The following CCDC149 variants were observed in gnomAD, a reference collection of about 807,000 sequenced individuals.
CCDC149 encodes coiled-coil domain containing 149.
In CCDC149, 45 loss-of-function variants were observed where a neutral mutation model predicts 59.9. That is an observed-to-expected ratio of 0.75 (90% CI 0.59 to 0.96). The LOEUF (loss-of-function observed/expected upper bound fraction) is 0.96, where lower values mean the gene tolerates loss of function less well. Ranked by LOEUF, CCDC149 falls within the 40% of genes least tolerant of loss-of-function variation. The probability of loss-of-function intolerance (pLI) is 0.00; values close to 1 mark genes in which losing one functional copy is unlikely to be tolerated. For synonymous variants in CCDC149, 245 were observed against 260.6 expected (o/e 0.94, Z 0.58); for missense variants, 584 against 664.7 (o/e 0.88, Z 1.33).
At position 24,951,783 on chromosome 4, in the gene CCDC149, C is replaced by G. The variant is rs563771589; in HGVS notation, c.-65+28286G>C. 1.1e-4 allele frequency among the ~76,000 whole-genome samples: 16 copies of G among 151,672 alleles called. No homozygotes were observed. The South Asian group carries it at 3.3e-3, about 31-fold the overall frequency. On this transcript the variant is annotated intron_variant, in intron 1 of 12. Coordinates refer to the CCDC149 transcript ENST00000389609. Reference sequence around the variant, plus strand: ...TGGTAAACAGTAAAGCTCTTTGAGGCCTTTCAGAAAGAAGTGCAATTCGAG... The same window carrying G: ...TGGTAAACAGTAAAGCTCTTTGAGGGCTTTCAGAAAGAAGTGCAATTCGAG...
chr4:24,968,293 T>C (rs1723862439), intron 1 of CCDC149, among the ~76,000 whole-genome samples: 1 of 152,218 alleles, frequency 6.6e-6, no homozygotes, highest in Non-Finnish European at 1.5e-5. Context: ...AGCTAGCACC[T>C]GTATATGCCG....
At chr4:24,889,663 T>C (rs1432171694) in intron 1 of CCDC149, among the ~76,000 whole-genome samples, 1 of 152,200 alleles carries the variant, frequency 6.6e-6, no homozygotes, top group Non-Finnish European at 1.5e-5. Flanking sequence ...AATGTAACGA[T>C]AGATTCACTG....
At chr4:24,913,939 C>T (rs1722040051), upstream of CCDC149, among the ~76,000 whole-genome samples, 1 of 152,232 alleles carries the variant, frequency 6.6e-6, no homozygotes, top group Non-Finnish European at 1.5e-5. Context: ...AAAATCCCCT[C>T]TTGGACCACT....
intron 1 of CCDC149, among the ~76,000 whole-genome samples, chr4:24,919,073 T>C (rs1303254907): frequency 6.6e-6 from 1 of 152,234 alleles, no homozygotes; most frequent in East Asian, 1.9e-4. Flanking sequence ...ATGCCCCTTC[T>C]ATATCCACAT....
At chr4:24,827,529 G>A (rs1290499720) in intron 9 of CCDC149, 1 of 152,264 alleles carries the variant, frequency 6.6e-6, no homozygotes, top group Non-Finnish European at 1.5e-5. Context: ...AAGGTCTGGA[G>A]AACGAAATGT....
downstream of CCDC149, among the ~76,000 whole-genome samples, chr4:24,804,215 G>A (rs28673670): frequency 0.058 from 8,840 of 152,154 alleles, 695 homozygotes; most frequent in African/African-American, 0.18. Context: ...GGTACAGGCC[G>A]GGCGCAGTGG....
intron 1 of CCDC149, among the ~76,000 whole-genome samples, chr4:24,963,480 G>A (rs946608656): frequency 6.6e-6 from 1 of 152,148 alleles, no homozygotes. Flanking sequence ...ACAAGGAGGT[G>A]AGCCTCCACC....
intron 1 of CCDC149, among the ~76,000 whole-genome samples, chr4:24,899,216 A>C (rs546266229): frequency 1.7e-3 from 254 of 152,340 alleles, no homozygotes; most frequent in African/African-American, 5.7e-3. Context: ...CCAAAGCCAG[A>C]AAGATGGATC....
At chr4:24,851,757 T>A (rs1332693584) in intron 4 of CCDC149, among the ~76,000 whole-genome samples, 1 of 152,156 alleles carries the variant, frequency 6.6e-6, no homozygotes, top group Non-Finnish European at 1.5e-5. Context: ...GCCCTCCTGC[T>A]ATCACTTGAG....
At chr4:24,896,722 G>C (rs1720867590) in intron 1 of CCDC149, among the ~76,000 whole-genome samples, 1 of 152,128 alleles carries the variant, frequency 6.6e-6, no homozygotes, top group Admixed American at 6.5e-5. Context: ...AAATCCCTTA[G>C]AGCTTATTAA....
chr4:24,813,899 T>C (rs1272632470), intron 12 of CCDC149, among the ~76,000 whole-genome samples: 1 of 152,152 alleles, frequency 6.6e-6, no homozygotes, highest in Non-Finnish European at 1.5e-5. Flanking sequence ...AAAATGATCA[T>C]AGACAGAAGC....
chr4:24,834,872 G>T (rs1716394057), intron 8 of CCDC149, 76 bp downstream of exon 8: 1 of 1,096,468 alleles, frequency 9.1e-7, no homozygotes. Context: ...AAAAGCAGCA[G>T]CCTGGATGGG....
intron 1 of CCDC149, among the ~76,000 whole-genome samples, chr4:24,974,015 G>C (rs1485495681): frequency 6.6e-6 from 1 of 152,240 alleles, no homozygotes; most frequent in Non-Finnish European, 1.5e-5. Context: ...TTGCGCCTCT[G>C]CTTCGGAAGA....
chr4:24,812,041 T>A (rs1714645022), intron 12 of CCDC149, among the ~76,000 whole-genome samples: 1 of 152,208 alleles, frequency 6.6e-6, no homozygotes, highest in Non-Finnish European at 1.5e-5. Context: ...ACTGCCTTTT[T>A]TTCTGTGTGT....
In CCDC149 at chr4:24,825,690, G is replaced by A. The variant is rs367994852; in HGVS notation, c.966-3117C>T. Among the ~76,000 whole-genome samples, 23 of 151,390 alleles carry A rather than the reference G, an allele frequency of 1.5e-4. No homozygotes were observed. The East Asian group carries it at 2.0e-3, about 13-fold the overall frequency. On this transcript the variant is annotated intron_variant, in intron 9 of 12. Transcript: ENST00000635206. ...CGGGAGGCTGAGGCAGGAGAATGGC[G>A]TGAACCCAGGAGGCAGAGCTTGTAG...
intron 1 of CCDC149, among the ~76,000 whole-genome samples, chr4:24,888,372 GAA>G: frequency 6.7e-6 from 1 of 150,030 alleles, no homozygotes; most frequent in East Asian, 1.9e-4. Flanking sequence ...ATGCTTTGCA[GAA>G]AAAAAAAATC....
Position 24,819,870 on chromosome 4 carries a change from T to C in CCDC149, c.1181A>G (p.Asp394Gly). 1 of 1,551,262 alleles carries C rather than the reference T, an allele frequency of 6.4e-7. No individual in the cohort carries two copies. Among genetic ancestry groups the C allele is most frequent in the Non-Finnish European group, 8.7e-7 (1 of 1,146,630 alleles). Residue 394 changes from aspartate (D) to glycine (G), a missense_variant, in exon 12 of 13, where the codon GAT becomes GGT. By Grantham distance (94) the Asp-to-Gly change is moderately conservative (BLOSUM62 -1). Coordinates refer to ENST00000635206, the MANE Select transcript of CCDC149 (RefSeq NM_001330643.2). ...CGAGGCGTGCTTACCATCCTTGGGA[T>C]CTGCTTTGTTCTCAGTGGGCTGCTC...
chr4:24,938,365 A>G (rs1292194920), intron 1 of CCDC149, among the ~76,000 whole-genome samples: 1 of 152,268 alleles, frequency 6.6e-6, no homozygotes, highest in African/African-American at 2.4e-5. Context: ...AATTAAATCT[A>G]TTGGCAAGGT....
chr4:24,967,083 C>T (rs1286208620), intron 1 of CCDC149, among the ~76,000 whole-genome samples: 1 of 152,112 alleles, frequency 6.6e-6, no homozygotes, highest in Non-Finnish European at 1.5e-5. Flanking sequence ...TGTTTGGCTG[C>T]CTGTTTATAT....
Sources: gnomAD v4.1 joint callset for allele counts (sites outside exome capture counted in the v4.1 genomes callset) on GRCh38, gnomAD v4.1.1 for gene constraint, MANE v1.5 for transcripts, NCBI Gene and HGNC (gene_info 2026-07-23, HGNC 2026-07-21) for gene names.